Variants in LNX1 observed in about 807,000 individuals in gnomAD.
LNX1 encodes the protein E3 ubiquitin-protein ligase LNX.
A neutral mutation model predicts 68.4 loss-of-function variants in LNX1; 54 were observed. The observed-to-expected ratio is 0.79, with a 90% confidence interval of 0.63 to 0.99. The LOEUF is 0.99. Among genes scored for constraint, LNX1 ranks in the 50% least tolerant of loss-of-function variants. The pLI is 0.00. For missense variants in LNX1, 906 were observed against 926.4 expected (o/e 0.98, Z 0.29); for synonymous variants, 336 against 350.0 (o/e 0.96, Z 0.45).
intron 2 of LNX1, chr4:53,538,957 C>G (rs1334884958): frequency 6.6e-6 from 1 of 152,252 alleles, no homozygotes; most frequent in East Asian, 1.9e-4. Context: ...CACAGACAGT[C>G]TTCCATGGCC....
At chr4:53,644,124 C>A (rs561313727) in intron 1 of LNX1, among the ~76,000 whole-genome samples, 53 of 152,180 alleles carry the variant, frequency 3.5e-4, no homozygotes, top group Non-Finnish European at 6.5e-4. Flanking sequence ...AGGTCAGGAA[C>A]GGTGGCTCAT....
intron 2 of LNX1, among the ~76,000 whole-genome samples, chr4:53,526,989 G>A (rs890177459): frequency 1.4e-5 from 2 of 145,710 alleles, no homozygotes; most frequent in African/African-American, 5.1e-5. Flanking sequence ...TGAAGGGTGA[G>A]GAATACATAA....
At chr4:53,468,369 T>TA in intron 9 of LNX1, among the ~76,000 whole-genome samples, 1 of 152,262 alleles carries the variant, frequency 6.6e-6, no homozygotes, top group East Asian at 1.9e-4. Flanking sequence ...GAACAACCGT[T>TA]ACCAGCTACT....
intron 6 of LNX1, among the ~76,000 whole-genome samples, chr4:53,494,347 C>A (rs1297120847): frequency 1.3e-5 from 2 of 152,324 alleles, no homozygotes; most frequent in East Asian, 3.9e-4. Context: ...ATCCATTAAA[C>A]CTCTTCTTTT....
rs1725082561 is a variant in LNX1 at position 53,496,611 on chromosome 4, C to T, written c.979-217G>A. On this transcript the variant is annotated intron_variant, in intron 5 of 10. Transcript: ENST00000263925. ...CTCTCCAGGCCTCTGTGAGTAGACA[C>T]CATCTTTCTCCACCTTGTTCTTACC... The T allele has an allele frequency of 9.8e-6, 5 of 508,806 alleles. No individual in the cohort carries two copies. In the Admixed American group the frequency reaches 1.0e-4, roughly 10 times the overall value. 31.5% of individuals were successfully genotyped at this position (508,806 alleles called of 1,614,324 possible). A position where few individuals can be genotyped will look rare whatever the true frequency, so the allele number is the denominator to read the frequency against.
At chr4:53,614,249 C>T (rs1391016292) in intron 2 of LNX1, among the ~76,000 whole-genome samples, 1 of 152,136 alleles carries the variant, frequency 6.6e-6, no homozygotes, top group African/African-American at 2.4e-5. Flanking sequence ...CCTACATATT[C>T]TCCAGGAAAG....
At chr4:53,532,717 C>T (rs1728104773) in intron 2 of LNX1, among the ~76,000 whole-genome samples, 1 of 152,190 alleles carries the variant, frequency 6.6e-6, no homozygotes, top group Non-Finnish European at 1.5e-5. Flanking sequence ...TGAGAGCATT[C>T]AAATCATTCT....
At chr4:53,579,864 G>A (rs1471175494) in intron 1 of LNX1, among the ~76,000 whole-genome samples, 1 of 152,180 alleles carries the variant, frequency 6.6e-6, no homozygotes, top group Non-Finnish European at 1.5e-5. Context: ...TTGGCATGTG[G>A]CAACGATAAT....
upstream of LNX1, among the ~76,000 whole-genome samples, chr4:53,620,159 G>C (rs1733814143): frequency 6.6e-6 from 1 of 152,104 alleles, no homozygotes; most frequent in Non-Finnish European, 1.5e-5. Flanking sequence ...TGCAGTTACT[G>C]GGTGTTTTAT....
intron 5 of LNX1, 40 bp from the exon 6 acceptor site, chr4:53,496,434 G>A: frequency 6.5e-7 from 1 of 1,549,096 alleles, no homozygotes; most frequent in Non-Finnish European, 8.7e-7. Context: ...AGCTCCACCT[G>A]CCACAACCCT....
rs1051735207 is a variant in LNX1, at chr4:53,459,600, A to C, written c.*1307T>G. ...CTTTTTTTCCAAAATAAAAGAGTGA[A>C]TTTTTCATGTTAAGTTAAAAATCTT... On this transcript the variant is annotated 3_prime_UTR_variant, in exon 11 of 11. Coordinates refer to ENST00000263925, the MANE Select transcript of LNX1 (RefSeq NM_001126328.3). 1.1e-5 allele frequency: 12 copies of C among 1,072,674 alleles called. No individual in the cohort carries two copies. The African/African-American group carries it at 1.8e-4, about 16-fold the overall frequency. The allele number at this position is 1,072,674 out of a possible 1,614,324, so 66.4% of individuals were successfully genotyped here. A position where few individuals can be genotyped will look rare whatever the true frequency, so the allele number is the denominator to read the frequency against.
At chr4:53,530,689 T>TATC (rs775095614) in intron 2 of LNX1, among the ~76,000 whole-genome samples, 16 of 152,224 alleles carry the variant, frequency 1.1e-4, no homozygotes, top group Non-Finnish European at 2.4e-4. Context: ...CTTAAGTATG[T>TATC]ATCTAAGTAA....
At chr4:53,571,474 T>C (rs758962360) in intron 2 of LNX1, among the ~76,000 whole-genome samples, 5 of 152,008 alleles carry the variant, frequency 3.3e-5, no homozygotes, top group Admixed American at 6.6e-5. Context: ...TGGAAGATGC[T>C]ATGCGGCTGG....
intron 1 of LNX1, among the ~76,000 whole-genome samples, 151 bp downstream of exon 1, chr4:53,591,232 TCTCTA>T (rs1560685187): frequency 1.3e-5 from 2 of 152,168 alleles, no homozygotes; most frequent in South Asian, 2.1e-4. Context: ...CAAAGTCATC[TCTCTA>T]CTCTTCTGTC....
intron 1 of LNX1, among the ~76,000 whole-genome samples, chr4:53,626,631 C>T (rs1292099878): frequency 7.9e-5 from 12 of 152,104 alleles, no homozygotes; most frequent in Non-Finnish European, 1.5e-4. Context: ...TGGGAGCTAG[C>T]CAATACAGAA....
chr4:53,543,166 GCTA>G (rs1428548618), intron 2 of LNX1, among the ~76,000 whole-genome samples: 1 of 152,192 alleles, frequency 6.6e-6, no homozygotes, highest in Admixed American at 6.5e-5. Flanking sequence ...TGTCCTGTGT[GCTA>G]CTGTTATCCG....
chr4:53,621,191 G>A (rs1349620968), upstream of LNX1, among the ~76,000 whole-genome samples: 1 of 152,100 alleles, frequency 6.6e-6, no homozygotes, highest in Non-Finnish European at 1.5e-5. Context: ...CAGGTGACTT[G>A]TATGCATATT....
At chr4:53,553,196 GAC>G (rs1242495833) in intron 2 of LNX1, among the ~76,000 whole-genome samples, 1 of 152,194 alleles carries the variant, frequency 6.6e-6, no homozygotes, top group Non-Finnish European at 1.5e-5. Flanking sequence ...ACTGAGTGGG[GAC>G]ACAGAGAGGA....
intron 2 of LNX1, among the ~76,000 whole-genome samples, chr4:53,509,463 G>C (rs1302095088): frequency 6.6e-6 from 1 of 152,176 alleles, no homozygotes; most frequent in Non-Finnish European, 1.5e-5. Context: ...TGGCAAGATG[G>C]AAGGTCCTAT....
Sources: allele counts gnomAD v4.1 joint callset (sites outside exome capture counted in the v4.1 genomes callset), GRCh38; gene constraint gnomAD v4.1.1; transcripts MANE v1.5; gene names NCBI Gene and HGNC (gene_info 2026-07-23, HGNC 2026-07-21).